The following ST3GAL4 variants were observed in gnomAD, a reference collection of about 807,000 sequenced individuals.
The protein encoded by ST3GAL4 is CMP-N-acetylneuraminate-beta-galactosamide-alpha-2,3-sialyltransferase 4.
ST3GAL4 carries 24 observed loss-of-function variants against 42.6 expected under a neutral mutation model. The observed-to-expected ratio is 0.56, with a 90% CI of 0.41 to 0.79. ST3GAL4 has a LOEUF of 0.79. Ranked by LOEUF, ST3GAL4 falls within the 30% of genes least tolerant of loss-of-function variation. ST3GAL4 has a pLI of 0.00. For missense variants in ST3GAL4, 311 were observed against 430.8 expected (o/e 0.72, Z 2.46); for synonymous variants, 135 against 163.2 (o/e 0.83, Z 1.32).
intron 7 of ST3GAL4, 21 bp downstream of exon 7, chr11:126,408,215 C>A: frequency 6.2e-7 from 1 of 1,613,700 alleles, no homozygotes; most frequent in Non-Finnish European, 8.5e-7. Flanking sequence ...CTGTCTCTTC[C>A]TACTGTTGTT....
chr11:126,406,981 T>TC lies in ST3GAL4; in HGVS notation c.142dup (p.Gln48ProfsTer3). On this transcript the variant is annotated frameshift_variant, in exon 4 of 11. Coordinates refer to ENST00000444328, the MANE Select transcript of ST3GAL4 (RefSeq NM_001254757.2). LOFTEE classifies it high-confidence loss of function. This position sits in a 1 kb window ranked among gnomAD's most constrained non-coding sequence, Gnocchi z 5.4. The stretch of plus-strand genomic sequence containing the variant: ...ATCCCAGAGAAGAAGGAGCCGTGCC[T>TC]CCAGGGTGAGGCAGAGAGCAAGGCC... 2.5e-6 allele frequency: 4 copies of TC among 1,614,038 alleles called. No individual in the cohort carries two copies. Among genetic ancestry groups the TC allele is most frequent in the Non-Finnish European group, 3.4e-6 (4 of 1,179,992 alleles).
chr11:126,407,750 C>A, intron 6 of ST3GAL4, 116 bp downstream of exon 6: 1 of 1,128,282 alleles, frequency 8.9e-7, no homozygotes, highest in Non-Finnish European at 1.3e-6. Flanking sequence ...GGTACCATCC[C>A]AGCCAATTCT....
intron 1 of ST3GAL4, among the ~76,000 whole-genome samples, chr11:126,385,037 C>T (rs1419413360): frequency 6.6e-6 from 1 of 152,136 alleles, no homozygotes; most frequent in Non-Finnish European, 1.5e-5. Flanking sequence ...CATTAAATAC[C>T]AGGATATGTT....
chr11:126,381,360 C>T (rs1357986192), intron 1 of ST3GAL4, among the ~76,000 whole-genome samples: 4 of 152,132 alleles, frequency 2.6e-5, no homozygotes, highest in African/African-American at 4.8e-5. Flanking sequence ...TGACCCATTC[C>T]GGCTCCATAT....
At chr11:126,370,754 G>A (rs143532467) in intron 1 of ST3GAL4, among the ~76,000 whole-genome samples, 2 of 150,970 alleles carry the variant, frequency 1.3e-5, no homozygotes, top group Non-Finnish European at 1.5e-5. Context: ...TCGGCTCACT[G>A]CAACCTCTGC....
At chr11:126,370,553 T>C (rs1952603313) in intron 1 of ST3GAL4, among the ~76,000 whole-genome samples, 1 of 152,228 alleles carries the variant, frequency 6.6e-6, no homozygotes, top group Non-Finnish European at 1.5e-5. Flanking sequence ...ATGCACTTCT[T>C]AGTTTTTTAC....
At chr11:126,364,217 C>T (rs1339075234) in intron 1 of ST3GAL4, among the ~76,000 whole-genome samples, 3 of 151,852 alleles carry the variant, frequency 2.0e-5, no homozygotes, top group African/African-American at 7.3e-5. Context: ...TTCCCAAGCC[C>T]CTTACATAAC....
chr11:126,409,876 G>A lies in ST3GAL4; in HGVS notation c.771+465G>A, dbSNP rs542328316. Among the ~76,000 whole-genome samples the A allele has an allele frequency of 2.5e-3, 380 of 152,244 alleles. 6 individuals carry two copies. The highest frequency in any genetic ancestry group is 6.8e-3 in the Middle Eastern group (2 of 294). ...GATTTGGTATGGTGTGTCAATTCAG[G>A]GAGTCAATGTAGTTTTGCAAGTTAT... is the stretch of plus-strand genomic sequence containing the variant. On this transcript the variant is annotated intron_variant, in intron 9 of 10. Transcript: ENST00000444328. The surrounding 1 kb of genome is among the most constrained non-coding windows in gnomAD (Gnocchi z 4.9).
intron 1 of ST3GAL4, among the ~76,000 whole-genome samples, chr11:126,390,206 G>A (rs1461387393): frequency 6.6e-6 from 1 of 151,514 alleles, no homozygotes; most frequent in African/African-American, 2.4e-5. Flanking sequence ...TTAACATTAT[G>A]TCTTCAAGTT....
rs1953962598 is a variant in ST3GAL4, at chr11:126,400,759, T to A, written c.-60-5337T>A. 6.6e-6 allele frequency among the ~76,000 whole-genome samples: 1 copy of A among 151,890 alleles called. No individual in the cohort carries two copies. The highest frequency in any genetic ancestry group is 1.5e-5 in the Non-Finnish European group (1 of 67,964). The stretch of plus-strand genomic sequence containing the variant: ...CAGTTAGGAAGCCTGTAACTTGGGG[T>A]GGGATCTGGAACCAGGCTGTGGCTC... On this transcript the variant is annotated intron_variant, in intron 1 of 10. Transcript: ENST00000444328. The surrounding 1 kb of genome is among the most constrained non-coding windows in gnomAD (Gnocchi z 4.6).
chr11:126,413,280 C>T lies in ST3GAL4; in HGVS notation c.772-225C>T, dbSNP rs553152473. 1.9e-4 allele frequency: 90 copies of T among 469,984 alleles called. 1 individual carries two copies. Among genetic ancestry groups the T allele is most frequent in the Middle Eastern group, 1.1e-3 (2 of 1,746 alleles). The allele number at this position is 469,984 out of a possible 1,614,324, so 29.1% of individuals were successfully genotyped here. The stretch of plus-strand genomic sequence containing the variant: ...GCACTACTGCACCCAGCACATGTGG[C>T]GATTTAAATTTACAATTTAATTAAT... On this transcript the variant is annotated intron_variant, in intron 9 of 10. Coordinates refer to ENST00000444328, the MANE Select transcript of ST3GAL4 (RefSeq NM_001254757.2).
At position 126,392,248 on chromosome 11, in the gene ST3GAL4, G is replaced by A; in HGVS notation, c.-60-13848G>A. On this transcript the variant is annotated intron_variant, in intron 1 of 10. Coordinates refer to ENST00000444328, the MANE Select transcript of ST3GAL4 (RefSeq NM_001254757.2). This position sits in a 1 kb window ranked among gnomAD's most constrained non-coding sequence, Gnocchi z 5.8. ...TAGGAGGAAGTAAGTAGGAAGGAAG[G>A]AGATTTCCTGGGTATTAGGGTGTCC... 1 of 901,428 alleles carries A rather than the reference G, an allele frequency of 1.1e-6. No homozygotes were observed. Among genetic ancestry groups the A allele is most frequent in the Non-Finnish European group, 1.3e-6 (1 of 752,998 alleles). 55.8% of individuals were successfully genotyped at this position (901,428 alleles called of 1,614,324 possible).
rs993784179 is a variant in ST3GAL4 at position 126,411,122 on chromosome 11, G to A, written c.771+1711G>A. Among the ~76,000 whole-genome samples the A allele has an allele frequency of 6.6e-6, 1 of 151,102 alleles. No homozygotes were observed. Among genetic ancestry groups the A allele is most frequent in the Non-Finnish European group, 1.5e-5 (1 of 67,870 alleles). On this transcript the variant is annotated intron_variant, in intron 9 of 10. Coordinates refer to ENST00000444328, the MANE Select transcript of ST3GAL4 (RefSeq NM_001254757.2). The surrounding 1 kb of genome is among the most constrained non-coding windows in gnomAD (Gnocchi z 6.3). ...AGCTCCTGGCAGTGGGAAGGGAAAA[G>A]GAGGAGATGGACTCAACATTGTGTT... is the stretch of plus-strand genomic sequence containing the variant.
In ST3GAL4 at chr11:126,366,267, A is replaced by T. The variant is rs1206212610; in HGVS notation, c.-61+10425A>T. 1.3e-5 allele frequency among the ~76,000 whole-genome samples: 2 copies of T among 152,108 alleles called. No homozygotes were observed. Among genetic ancestry groups the T allele is most frequent in the South Asian group, 4.1e-4 (2 of 4,838 alleles). ...CAGCTGCTGTAGCTGAGCCCGGCCC[A>T]CGGCCAGCCCTGAGGAATGGAGGAA... On this transcript the variant is annotated intron_variant, in intron 1 of 10. Transcript: ENST00000444328. This position sits in a 1 kb window ranked among gnomAD's most constrained non-coding sequence, Gnocchi z 4.2.
Position 126,406,929 on chromosome 11 carries a change from T to C in ST3GAL4, c.102-14T>C, listed in dbSNP as rs1044449326. ...TGACTGGGGCTTCTGCCTCCTGTCC[T>C]TTTTTCTCTCCAGTTTTTATTTTCC... On this transcript the variant is annotated splice_polypyrimidine_tract_variant and intron_variant, in intron 3 of 10. Coordinates refer to ENST00000444328, the MANE Select transcript of ST3GAL4 (RefSeq NM_001254757.2). The surrounding 1 kb of genome is among the most constrained non-coding windows in gnomAD (Gnocchi z 5.4). 1.9e-6 allele frequency: 3 copies of C among 1,612,920 alleles called. No individual in the cohort carries two copies. The highest frequency in any genetic ancestry group is 1.7e-6 in the Non-Finnish European group (2 of 1,179,266).
In ST3GAL4 at chr11:126,406,023, G is replaced by A. The variant is rs1236348228; in HGVS notation, c.-60-73G>A. 2.0e-6 allele frequency: 3 copies of A among 1,509,590 alleles called. No individual in the cohort carries two copies. The highest frequency in any genetic ancestry group is 2.0e-5 in the Admixed American group (1 of 50,888). The allele number at this position is 1,509,590 out of a possible 1,614,324, so 93.5% of individuals were successfully genotyped here. Reference sequence around the variant, plus strand: ...GGTGGAAGGGAGGGGCAGACAGTGGGTGTGTCCTGCTCCAGTGTCTAGGCA... The same window carrying A: ...GGTGGAAGGGAGGGGCAGACAGTGGATGTGTCCTGCTCCAGTGTCTAGGCA... On this transcript the variant is annotated intron_variant, in intron 1 of 10. Coordinates refer to ENST00000444328, the MANE Select transcript of ST3GAL4 (RefSeq NM_001254757.2). This position sits in a 1 kb window ranked among gnomAD's most constrained non-coding sequence, Gnocchi z 5.4.
intron 1 of ST3GAL4, among the ~76,000 whole-genome samples, chr11:126,401,689 C>A (rs1282296497): frequency 2.0e-5 from 3 of 152,108 alleles, no homozygotes; most frequent in Admixed American, 1.3e-4. Flanking sequence ...GCATGGCCAA[C>A]AACATCAAAG....
chr11:126,378,052 T>C lies in ST3GAL4; in HGVS notation c.-61+22210T>C, dbSNP rs1952884122. Among the ~76,000 whole-genome samples the C allele has an allele frequency of 6.6e-6, 1 of 152,234 alleles. No homozygotes were observed. The highest frequency in any genetic ancestry group is 2.4e-5 in the African/African-American group (1 of 41,464). ...TGTCTGGGATATTATGATTCTCTTTTGTGAGGGGTCACTTTATGTACAAAT... is the reference window on the plus strand; with the variant it reads ...TGTCTGGGATATTATGATTCTCTTTCGTGAGGGGTCACTTTATGTACAAAT... On this transcript the variant is annotated intron_variant, in intron 1 of 10. Coordinates refer to ENST00000444328, the MANE Select transcript of ST3GAL4 (RefSeq NM_001254757.2). This position sits in a 1 kb window ranked among gnomAD's most constrained non-coding sequence, Gnocchi z 5.3.
rs896983809 is a variant in ST3GAL4 at position 126,378,138 on chromosome 11, G to C, written c.-61+22296G>C. Among the ~76,000 whole-genome samples, 7 of 152,098 alleles carry C rather than the reference G, an allele frequency of 4.6e-5. No homozygotes were observed. The highest frequency in any genetic ancestry group is 1.7e-4 in the African/African-American group (7 of 41,424). ...ATCTAGTCATTTTAGGTAGAAGATA[G>C]CCCACACCACAGATCCAGACTGGCT... On this transcript the variant is annotated intron_variant, in intron 1 of 10. Transcript: ENST00000444328. The surrounding 1 kb of genome is among the most constrained non-coding windows in gnomAD (Gnocchi z 5.3).
Sources: allele counts gnomAD v4.1 joint callset (sites outside exome capture counted in the v4.1 genomes callset), GRCh38; gene constraint gnomAD v4.1.1; non-coding constraint Gnocchi (gnomAD v3.1); transcripts MANE v1.5; gene names NCBI Gene and HGNC (gene_info 2026-07-23, HGNC 2026-07-21).